IGF2BP2: variants seen among roughly 807,000 people sequenced by gnomAD.
IGF2BP2 encodes insulin like growth factor 2 mRNA binding protein 2.
In IGF2BP2, 17 loss-of-function variants were observed where a neutral mutation model predicts 75.8. That is an observed-to-expected ratio of 0.22 (90% confidence interval 0.15 to 0.34). The LOEUF is 0.34. Among genes scored for constraint, IGF2BP2 ranks in the 10% least tolerant of loss-of-function variants. IGF2BP2 has a pLI of 1.00. For missense variants in IGF2BP2, 516 were observed against 772.4 expected (o/e 0.67, Z 3.93); for synonymous variants, 288 against 295.6 (o/e 0.97, Z 0.26).
intron 2 of IGF2BP2, among the ~76,000 whole-genome samples, chr3:185,783,236 AT>A (rs1214777926): frequency 6.6e-6 from 1 of 152,174 alleles, no homozygotes; most frequent in Non-Finnish European, 1.5e-5. Context: ...ACCTATACAG[AT>A]TTCTAAACAT....
At chr3:185,677,024 GAGAT>G (rs1180231565) in intron 7 of IGF2BP2, among the ~76,000 whole-genome samples, 15 of 93,886 alleles carry the variant, frequency 1.6e-4, no homozygotes, top group South Asian at 4.0e-4. Flanking sequence ...TATATGGAGA[GAGAT>G]ATATATATAT....
intron 2 of IGF2BP2, among the ~76,000 whole-genome samples, chr3:185,700,706 A>C (rs61078683): frequency 6.6e-6 from 1 of 152,210 alleles, no homozygotes; most frequent in African/African-American, 2.4e-5. Flanking sequence ...ATTTACTGGT[A>C]GATATTCTAT....
intron 2 of IGF2BP2, among the ~76,000 whole-genome samples, chr3:185,730,096 A>G (rs764288103): frequency 7.2e-5 from 11 of 152,156 alleles, no homozygotes; most frequent in Non-Finnish European, 1.5e-4. Context: ...ACTGTACACA[A>G]TAGTTAATTT....
At chr3:185,668,510 T>G (rs201267366) in intron 10 of IGF2BP2, among the ~76,000 whole-genome samples, 6,278 of 131,554 alleles carry the variant, frequency 0.048, 124 homozygotes, top group East Asian at 0.077. Flanking sequence ...GAGAGAGAGA[T>G]ATATATATAT....
At chr3:185,704,662 C>T (rs1469017694) in intron 2 of IGF2BP2, among the ~76,000 whole-genome samples, 1 of 152,088 alleles carries the variant, frequency 6.6e-6, no homozygotes. Flanking sequence ...ATTGCCTAGG[C>T]TGGTTTTGAA....
chr3:185,801,641 C>A (rs1313089223), intron 2 of IGF2BP2, among the ~76,000 whole-genome samples: 1 of 151,982 alleles, frequency 6.6e-6, no homozygotes, highest in African/African-American at 2.4e-5. Context: ...ACCAGAAATA[C>A]CATTTGACCC....
At chr3:185,650,137 CT>C (rs1468822390) in intron 13 of IGF2BP2, among the ~76,000 whole-genome samples, 1 of 138,834 alleles carries the variant, frequency 7.2e-6, no homozygotes, top group Non-Finnish European at 1.5e-5. Context: ...CCAGGTTGGT[CT>C]TGAACTCACG....
chr3:185,685,859 G>A (rs1577964940), intron 7 of IGF2BP2, among the ~76,000 whole-genome samples: 1 of 152,084 alleles, frequency 6.6e-6, no homozygotes, highest in East Asian at 1.9e-4. Context: ...GCCCAGCCTG[G>A]TCTCAAACTC....
chr3:185,727,790 A>C (rs1369623056), intron 2 of IGF2BP2, among the ~76,000 whole-genome samples: 1 of 152,166 alleles, frequency 6.6e-6, no homozygotes, highest in African/African-American at 2.4e-5. Flanking sequence ...CAATATTTAG[A>C]ATCCCCTCAT....
At chr3:185,758,289 A>G (rs1198713407) in intron 2 of IGF2BP2, among the ~76,000 whole-genome samples, 13 of 152,222 alleles carry the variant, frequency 8.5e-5, no homozygotes, top group East Asian at 1.9e-4. Context: ...TCCAAAGTGT[A>G]TATCAATTAA....
At chr3:185,718,260 A>G (rs1725951814) in intron 2 of IGF2BP2, 1 of 152,282 alleles carries the variant, frequency 6.6e-6, no homozygotes, top group South Asian at 2.1e-4. Flanking sequence ...AGGGCCTAAT[A>G]TATCTGTAAT....
Position 185,643,795 on chromosome 3 carries a change from T to C in IGF2BP2, c.*1736A>G, listed in dbSNP as rs895336316. 2 of 148,774 alleles carry C rather than the reference T, an allele frequency of 1.3e-5. No homozygotes were observed. The highest frequency in any genetic ancestry group is 5.0e-5 in the African/African-American group (2 of 40,010). 9.2% of individuals were successfully genotyped at this position (148,774 alleles called of 1,614,324 possible). On this transcript the variant is annotated 3_prime_UTR_variant, in exon 16 of 16. Coordinates refer to ENST00000382199, the MANE Select transcript of IGF2BP2 (RefSeq NM_006548.6). ...TTTTTTTTTCTTTTTTTTTTTTTTT[T>C]TTTTGTCACAGAACACTGTTTGCAG...
intron 2 of IGF2BP2, among the ~76,000 whole-genome samples, chr3:185,727,378 T>G (rs1178101529): frequency 6.6e-6 from 1 of 152,138 alleles, no homozygotes; most frequent in Non-Finnish European, 1.5e-5. Flanking sequence ...TGCACCAGCC[T>G]TAGCCTCCTC....
intron 2 of IGF2BP2, among the ~76,000 whole-genome samples, chr3:185,780,436 G>A (rs1391432010): frequency 6.6e-6 from 1 of 152,130 alleles, no homozygotes; most frequent in Non-Finnish European, 1.5e-5. Context: ...TCAGGATAAG[G>A]CTGCAGAAAG....
At chr3:185,694,112 A>G (rs1223358546) in intron 4 of IGF2BP2, among the ~76,000 whole-genome samples, 1 of 152,198 alleles carries the variant, frequency 6.6e-6, no homozygotes, top group African/African-American at 2.4e-5. Flanking sequence ...ACTGAGAATT[A>G]CATGTAATAA....
intron 7 of IGF2BP2, among the ~76,000 whole-genome samples, chr3:185,682,147 A>G (rs898598645): frequency 6.6e-6 from 1 of 152,204 alleles, no homozygotes; most frequent in African/African-American, 2.4e-5. Flanking sequence ...AGAAATATTC[A>G]CCAATTATTT....
rs546624585 is a variant in IGF2BP2, at chr3:185,656,989, G to C, written c.1386+297C>G. Among the ~76,000 whole-genome samples the C allele has an allele frequency of 5.3e-5, 8 of 152,306 alleles. No individual in the cohort carries two copies. The South Asian group carries it at 1.7e-3, about 32-fold the overall frequency. On this transcript the variant is annotated intron_variant, in intron 12 of 15. Transcript: ENST00000382199. ...CACTTCACCGCAGTCCCTTCCCTTA[G>C]CTTGGGAAAATCCTCAACCTTTCTT...
Position 185,644,360 on chromosome 3 carries a change from G to A in IGF2BP2, c.*1171C>T, listed in dbSNP as rs1362541353. ...GGAATCATTTTGCTGAATATTGATGGCTTATACACCAAAATGCAAAAAGAC... is the reference window on the plus strand; with the variant it reads ...GGAATCATTTTGCTGAATATTGATGACTTATACACCAAAATGCAAAAAGAC... On this transcript the variant is annotated 3_prime_UTR_variant, in exon 16 of 16. Transcript: ENST00000382199. The A allele has an allele frequency of 6.6e-6, 1 of 152,142 alleles. No homozygotes were observed. Among genetic ancestry groups the A allele is most frequent in the Admixed American group, 6.6e-5 (1 of 15,230 alleles). The allele number at this position is 152,142 out of a possible 1,614,324, so 9.4% of individuals were successfully genotyped here. A position where few individuals can be genotyped will look rare whatever the true frequency, so the allele number is the denominator to read the frequency against.
intron 2 of IGF2BP2, among the ~76,000 whole-genome samples, chr3:185,709,877 G>A (rs996866651): frequency 5.3e-5 from 8 of 152,252 alleles, no homozygotes; most frequent in Non-Finnish European, 7.3e-5. Context: ...CAAATTTTTC[G>A]ACTGGAGGTT....
Sources: allele counts gnomAD v4.1 joint callset (sites outside exome capture counted in the v4.1 genomes callset), GRCh38; gene constraint gnomAD v4.1.1; transcripts MANE v1.5; gene names NCBI Gene and HGNC (gene_info 2026-07-23, HGNC 2026-07-21).